DSCAML1: variants seen among roughly 807,000 people sequenced by gnomAD.
DSCAML1 encodes the protein DS cell adhesion molecule like 1, also known as cell adhesion molecule DSCAML1.
Under a neutral mutation model 200.5 loss-of-function variants are expected in DSCAML1, and 38 were observed. The ratio of observed to expected loss-of-function variants is 0.19; its 90% CI spans 0.15 to 0.25. The LOEUF (loss-of-function observed/expected upper bound fraction) is 0.25, where lower values mean the gene tolerates loss of function less well. Among genes scored for constraint, DSCAML1 ranks in the 10% least tolerant of loss-of-function variants. DSCAML1 has a pLI of 1.00. For synonymous variants in DSCAML1, 1,215 were observed against 1,165.0 expected (o/e 1.04, Z -0.87); for missense variants, 2,223 against 2,858.8 (o/e 0.78, Z 5.07).
Position 117,503,888 on chromosome 11 carries a change from G to A in DSCAML1, c.2316C>T (p.Gly772=). The change falls in exon 11 of 33, where the codon GGC becomes GGT. Residue 772 remains glycine, a synonymous_variant. Transcript: ENST00000651296. This position sits in a 1 kb window ranked among gnomAD's most constrained non-coding sequence, Gnocchi z 5.2. ...IGYYLCQASN[G]VGTDISKSMF... is the part of the protein sequence containing the mutation. ...TGGACTTGCTGATGTCGGTGCCTAC[G>A]CCGTTGCTGGCCTGGCAGAGGTAGT... The A allele has an allele frequency of 1.9e-6, 3 of 1,614,156 alleles. No homozygotes were observed. Among genetic ancestry groups the A allele is most frequent in the Non-Finnish European group, 2.5e-6 (3 of 1,180,026 alleles).
chr11:117,596,340 G>T (rs981534259), intron 3 of DSCAML1, among the ~76,000 whole-genome samples: 1 of 151,526 alleles, frequency 6.6e-6, no homozygotes, highest in African/African-American at 2.4e-5. Context: ...ACCTCCCTGG[G>T]AGTTCAGAGC....
rs368824974 is a variant in DSCAML1, at chr11:117,458,381, G to A, written c.3568+373C>T. Among the ~76,000 whole-genome samples, 15 of 152,286 alleles carry A rather than the reference G, an allele frequency of 9.8e-5. 1 individual carries two copies. The highest frequency in any genetic ancestry group is 3.4e-3 in the Middle Eastern group (1 of 294). On this transcript the variant is annotated intron_variant, in intron 19 of 32. Transcript: ENST00000651296. ...GTCCCTAACCCGTGATGTACTGAGCGATGCTCCTGCTTCCCCTAGCCCCAG... is the reference window on the plus strand; with the variant it reads ...GTCCCTAACCCGTGATGTACTGAGCAATGCTCCTGCTTCCCCTAGCCCCAG...
At chr11:117,797,943 T>G (rs1038214538), upstream of DSCAML1, among the ~76,000 whole-genome samples, 1 of 152,236 alleles carries the variant, frequency 6.6e-6, no homozygotes, top group African/African-American at 2.4e-5. Context: ...CTTTATGAAG[T>G]TGGCATAGAA....
At chr11:117,685,165 T>C (rs2053383670) in intron 3 of DSCAML1, among the ~76,000 whole-genome samples, 1 of 152,178 alleles carries the variant, frequency 6.6e-6, no homozygotes, top group East Asian at 1.9e-4. Context: ...CAGTGGGCGA[T>C]AGACTTGTGA....
In DSCAML1 at chr11:117,604,568, G is replaced by C. The variant is rs948130928; in HGVS notation, c.512-72046C>G. Among the ~76,000 whole-genome samples the C allele has an allele frequency of 8.5e-5, 13 of 152,332 alleles. No homozygotes were observed. The East Asian group carries it at 2.5e-3, about 29-fold the overall frequency. On this transcript the variant is annotated intron_variant, in intron 3 of 32. Coordinates refer to ENST00000651296, the MANE Select transcript of DSCAML1 (RefSeq NM_020693.4). ...TCTCTCTCGGCCGGCAGAGCTGTGT[G>C]GCAAGGCGGCCAGCTCATCATTGCT...
intron 11 of DSCAML1, among the ~76,000 whole-genome samples, chr11:117,485,229 TGCCTTTCTAGTCA>T (rs2049021195): frequency 6.6e-6 from 1 of 152,206 alleles, no homozygotes; most frequent in Non-Finnish European, 1.5e-5. Context: ...TCAGGGAACC[TGCCTTTCTAGTCA>T]GCTTTGTTCA....
At chr11:117,627,500 A>T (rs2052074445) in intron 3 of DSCAML1, among the ~76,000 whole-genome samples, 1 of 151,916 alleles carries the variant, frequency 6.6e-6, no homozygotes, top group African/African-American at 2.4e-5. Context: ...GCAGCCCCAC[A>T]TCACCACACT....
intron 16 of DSCAML1, among the ~76,000 whole-genome samples, chr11:117,466,113 G>C (rs2048575016): frequency 6.6e-6 from 1 of 152,268 alleles, no homozygotes; most frequent in South Asian, 2.1e-4. Context: ...CAAAATAATT[G>C]AAAACAGGGA....
intron 3 of DSCAML1, among the ~76,000 whole-genome samples, chr11:117,755,273 C>T (rs777152106): frequency 5.3e-5 from 8 of 152,202 alleles, no homozygotes; most frequent in Non-Finnish European, 1.0e-4. Flanking sequence ...ATTATGTGAA[C>T]GCTAATTTAT....
At chr11:117,605,687 G>C (rs546854501) in intron 3 of DSCAML1, among the ~76,000 whole-genome samples, 1 of 152,190 alleles carries the variant, frequency 6.6e-6, no homozygotes, top group African/African-American at 2.4e-5. Context: ...GGGAAGAGGC[G>C]AGAACATGGG....
chr11:117,535,871 C>T (rs1312746882), intron 3 of DSCAML1, among the ~76,000 whole-genome samples: 1 of 128,532 alleles, frequency 7.8e-6, no homozygotes, highest in Non-Finnish European at 1.5e-5. Flanking sequence ...AAACAGAGCA[C>T]TTGGCCCTAC....
At chr11:117,700,602 T>G (rs1260458099) in intron 3 of DSCAML1, among the ~76,000 whole-genome samples, 1 of 152,188 alleles carries the variant, frequency 6.6e-6, no homozygotes, top group African/African-American at 2.4e-5. Context: ...TATCGATAAC[T>G]AACACCTTGA....
At chr11:117,581,506 T>C (rs971743924) in intron 3 of DSCAML1, among the ~76,000 whole-genome samples, 1 of 152,114 alleles carries the variant, frequency 6.6e-6, no homozygotes, top group African/African-American at 2.4e-5. Flanking sequence ...TCCTTTACCT[T>C]CAGTTTTGGC....
At chr11:117,429,496 C>T (rs891563797) in intron 32 of DSCAML1, among the ~76,000 whole-genome samples, 17 of 150,980 alleles carry the variant, frequency 1.1e-4, no homozygotes, top group Admixed American at 4.0e-4. Context: ...CTCCGCTTCC[C>T]GAGTAGCTGG....
chr11:117,458,414 C>G (rs1164462203), intron 19 of DSCAML1, among the ~76,000 whole-genome samples: 2 of 152,276 alleles, frequency 1.3e-5, no homozygotes, highest in East Asian at 3.9e-4. Flanking sequence ...CAGCGTGTAT[C>G]CAGAGGAAAG....
chr11:117,451,030 C>T (rs1329839585), intron 19 of DSCAML1, among the ~76,000 whole-genome samples: 1 of 152,144 alleles, frequency 6.6e-6, no homozygotes, highest in African/African-American at 2.4e-5. Flanking sequence ...TGACCCTCAC[C>T]CCCTTACTAA....
chr11:117,432,425 G>T lies in DSCAML1; in HGVS notation c.5106C>A (p.Val1702=). 1 of 1,614,164 alleles carries T rather than the reference G, an allele frequency of 6.2e-7. No individual in the cohort carries two copies. Residue 1702 remains valine, a synonymous_variant, in exon 30 of 33, where the codon GTC becomes GTA. Coordinates refer to ENST00000651296, the MANE Select transcript of DSCAML1 (RefSeq NM_020693.4). Reference sequence around the variant, plus strand: ...GGATGAGGGTTGGGTGGTGCAAGGAGACGCCAGTACAGAAGCTCTGTGGGT... The same window carrying T: ...GGATGAGGGTTGGGTGGTGCAAGGATACGCCAGTACAGAAGCTCTGTGGGT... ...AVNPQSFCTG[V]SLHHPTLIQS... is the part of the protein sequence containing the mutation.
rs184477704 is a variant in DSCAML1, at chr11:117,619,375, G to A, written c.512-86853C>T. Among the ~76,000 whole-genome samples, 116 of 152,328 alleles carry A rather than the reference G, an allele frequency of 7.6e-4. No homozygotes were observed. In the East Asian group the frequency reaches 0.018, roughly 24 times the overall value. ...TCAGGGAGTGCCCCTGGGTCAGGAGGGCCTGGCCTCAGGAGGTTTGCCCTC... is the reference window on the plus strand; with the variant it reads ...TCAGGGAGTGCCCCTGGGTCAGGAGAGCCTGGCCTCAGGAGGTTTGCCCTC... On this transcript the variant is annotated intron_variant, in intron 3 of 32. Coordinates refer to ENST00000651296, the MANE Select transcript of DSCAML1 (RefSeq NM_020693.4).
At chr11:117,729,904 T>G (rs932107743) in intron 3 of DSCAML1, among the ~76,000 whole-genome samples, 18 of 152,116 alleles carry the variant, frequency 1.2e-4, no homozygotes, top group African/African-American at 4.3e-4. Flanking sequence ...AAAGGTCCTT[T>G]GAAAAAGGGA....
Sources: gnomAD v4.1 joint callset for allele counts (sites outside exome capture counted in the v4.1 genomes callset) on GRCh38, gnomAD v4.1.1 for gene constraint, Gnocchi (gnomAD v3.1) non-coding constraint, MANE v1.5 for transcripts, NCBI Gene and HGNC (gene_info 2026-07-23, HGNC 2026-07-21) for gene names.